The following PPP1R16B variants were observed in gnomAD, a reference collection of about 807,000 sequenced individuals.
The protein encoded by PPP1R16B is protein phosphatase 1 regulatory subunit 16B, also known as protein phosphatase 1 regulatory inhibitor subunit 16B.
A neutral mutation model predicts 61.7 loss-of-function variants in PPP1R16B; 14 were observed. The observed-to-expected ratio is 0.23, with a 90% CI of 0.15 to 0.35. The LOEUF is 0.35. Ranked by LOEUF, PPP1R16B falls within the 10% of genes least tolerant of loss-of-function variation. The pLI, the probability that PPP1R16B is intolerant of heterozygous loss-of-function variation, is 1.00. For missense variants in PPP1R16B, 547 were observed against 752.5 expected, an observed-to-expected ratio of 0.73 and a Z score of 3.19; for synonymous variants, 266 against 305.3, an observed-to-expected ratio of 0.87 and a Z score of 1.34.
chr20:38,855,982 A>AGAGAAGGAGGAGGAGGAGGAGGAGGAGG (rs1449393855), intron 2 of PPP1R16B, among the ~76,000 whole-genome samples: 51 of 41,424 alleles, frequency 1.2e-3, no homozygotes, highest in African/African-American at 2.5e-3. Flanking sequence ...AGAGAGAGAG[A>AGAGAAGGAGGAGGAGGAGGAGGAGGAGG]AGGAGGAGGA....
rs778707988 is a variant in PPP1R16B at position 38,829,088 on chromosome 20, T to C, written c.-101-6737T>C. On this transcript the variant is annotated intron_variant, in intron 1 of 10. Transcript: ENST00000299824. ...TGCTTCCCCAGATATGCACTGACTC[T>C]GTCTCTCCCTTTGGGGTCAACAAGA... Among the ~76,000 whole-genome samples, 46 of 152,304 alleles carry C rather than the reference T, an allele frequency of 3.0e-4. 1 individual carries two copies. In the Middle Eastern group the frequency reaches 0.01, roughly 34 times the overall value.
intron 2 of PPP1R16B, among the ~76,000 whole-genome samples, chr20:38,875,212 C>A (rs941106228): frequency 6.6e-6 from 1 of 152,232 alleles, no homozygotes; most frequent in Non-Finnish European, 1.5e-5. Flanking sequence ...TACATCCTGT[C>A]CTGGTCCTCT....
At chr20:38,914,577 T>G (rs2085517693) in intron 10 of PPP1R16B, among the ~76,000 whole-genome samples, 1 of 152,202 alleles carries the variant, frequency 6.6e-6, no homozygotes, top group South Asian at 2.1e-4. Context: ...GAAAACCTCT[T>G]TCGTCTAACC....
In PPP1R16B at chr20:38,806,655, C is replaced by T. The variant is rs1307113409; in HGVS notation, c.-102+863C>T. On this transcript the variant is annotated intron_variant, in intron 1 of 10. Transcript: ENST00000299824. The surrounding 1 kb of genome is among the most constrained non-coding windows in gnomAD (Gnocchi z 4.5). Reference sequence around the variant, plus strand: ...TGCCCAGACCGCCCCGGGTGGAGAGCCGGGAGGCAGGCGCTCGCTGCCCTC... The same window carrying T: ...TGCCCAGACCGCCCCGGGTGGAGAGTCGGGAGGCAGGCGCTCGCTGCCCTC... Among the ~76,000 whole-genome samples the T allele has an allele frequency of 2.0e-5, 3 of 152,194 alleles. No homozygotes were observed. The highest frequency in any genetic ancestry group is 2.9e-5 in the Non-Finnish European group (2 of 68,024).
intron 3 of PPP1R16B, among the ~76,000 whole-genome samples, chr20:38,894,609 G>A (rs2085320813): frequency 1.3e-5 from 2 of 152,208 alleles, no homozygotes; most frequent in Admixed American, 1.3e-4. Context: ...GCCCTTATCT[G>A]GGTGGGCAGG....
At chr20:38,809,238 G>A (rs576865401) in intron 1 of PPP1R16B, among the ~76,000 whole-genome samples, 1 of 150,376 alleles carries the variant, frequency 6.6e-6, no homozygotes, top group South Asian at 2.1e-4. Context: ...CTCTCAGCCT[G>A]TCTCCTGGGG....
Position 38,833,708 on chromosome 20 carries a change from T to G in PPP1R16B, c.-101-2117T>G, listed in dbSNP as rs188100838. Among the ~76,000 whole-genome samples, 765 of 152,356 alleles carry G rather than the reference T, an allele frequency of 5.0e-3. 3 individuals are homozygous for G. The highest frequency in any genetic ancestry group is 0.01 in the Middle Eastern group (3 of 292). On this transcript the variant is annotated intron_variant, in intron 1 of 10. Transcript: ENST00000299824. ...CCATTGAGCCTTGCCATTGGCTTAT[T>G]TATGCTGGAGGTCACACCCACTCAG...
chr20:38,840,149 C>A (rs1309651621), intron 2 of PPP1R16B, among the ~76,000 whole-genome samples: 2 of 152,208 alleles, frequency 1.3e-5, no homozygotes, highest in East Asian at 3.9e-4. Flanking sequence ...GCTCAGCTTC[C>A]TGGCAGCACT....
chr20:38,865,328 C>T (rs1186354042), intron 2 of PPP1R16B, among the ~76,000 whole-genome samples: 2 of 148,774 alleles, frequency 1.3e-5, no homozygotes, highest in African/African-American at 5.0e-5. Flanking sequence ...CTCACTCTGT[C>T]GCCCAGGCTG....
chr20:38,877,958 T>G (rs2085179702), intron 2 of PPP1R16B, among the ~76,000 whole-genome samples: 1 of 103,652 alleles, frequency 9.6e-6, no homozygotes, highest in South Asian at 2.7e-4. Context: ...AGTTGTTTTT[T>G]TTTTTTTTTT....
intron 2 of PPP1R16B, among the ~76,000 whole-genome samples, chr20:38,884,146 C>T (rs961441740): frequency 2.0e-5 from 3 of 152,218 alleles, no homozygotes; most frequent in Non-Finnish European, 4.4e-5. Context: ...AAGCCAGCTT[C>T]CTCCATTGCT....
intron 6 of PPP1R16B, among the ~76,000 whole-genome samples, chr20:38,904,600 A>G (rs1398309278): frequency 3.3e-5 from 5 of 152,314 alleles, no homozygotes; most frequent in African/African-American, 1.2e-4. Context: ...AGCATCAGAC[A>G]TTTATAAATC....
intron 3 of PPP1R16B, among the ~76,000 whole-genome samples, chr20:38,893,464 C>A (rs1404460274): frequency 6.6e-6 from 1 of 151,980 alleles, no homozygotes; most frequent in Non-Finnish European, 1.5e-5. Context: ...AGGGGAATGA[C>A]GGGGAGGTAG....
At chr20:38,890,944 C>T (rs529220801) in intron 3 of PPP1R16B, among the ~76,000 whole-genome samples, 1 of 152,206 alleles carries the variant, frequency 6.6e-6, no homozygotes, top group South Asian at 2.1e-4. Flanking sequence ...TTCTCTCTCA[C>T]AGGGCCTCAG....
chr20:38,884,529 G>A (rs1404079901), intron 2 of PPP1R16B, among the ~76,000 whole-genome samples: 1 of 152,204 alleles, frequency 6.6e-6, no homozygotes, highest in African/African-American at 2.4e-5. Flanking sequence ...GAGTGTGGAT[G>A]TGTTCCAATA....
chr20:38,865,376 G>A (rs945929076), intron 2 of PPP1R16B, among the ~76,000 whole-genome samples: 13 of 150,360 alleles, frequency 8.6e-5, no homozygotes, highest in Admixed American at 1.3e-4. Flanking sequence ...TGCGAGCTCC[G>A]CCTCCCAGGT....
intron 2 of PPP1R16B, among the ~76,000 whole-genome samples, chr20:38,873,831 C>T (rs1434588097): frequency 1.3e-5 from 2 of 151,170 alleles, no homozygotes; most frequent in African/African-American, 4.9e-5. Context: ...TGGGTTCAAC[C>T]GATTCTCCTA....
intron 2 of PPP1R16B, among the ~76,000 whole-genome samples, chr20:38,870,302 G>T (rs1273050646): frequency 1.3e-5 from 2 of 152,142 alleles, no homozygotes; most frequent in African/African-American, 4.8e-5. Flanking sequence ...AAATAGAAAA[G>T]GTCCCTGTCC....
At chr20:38,823,153 G>T (rs1053205923) in intron 1 of PPP1R16B, among the ~76,000 whole-genome samples, 3 of 152,284 alleles carry the variant, frequency 2.0e-5, no homozygotes, top group Non-Finnish European at 1.5e-5. Flanking sequence ...TTCTCTGCAT[G>T]GTGACCTGGA....
Sources: allele counts gnomAD v4.1 joint callset (sites outside exome capture counted in the v4.1 genomes callset), GRCh38; gene constraint gnomAD v4.1.1; non-coding constraint Gnocchi (gnomAD v3.1); transcripts MANE v1.5; gene names NCBI Gene and HGNC (gene_info 2026-07-23, HGNC 2026-07-21).